The following INTS10 variants were observed in gnomAD, a reference collection of about 807,000 sequenced individuals.
INTS10 encodes the protein integrator complex subunit 10, also known as chromosome 8 open reading frame 35.
In INTS10, 44 loss-of-function variants were observed where a neutral mutation model predicts 94.4. The ratio of observed to expected loss-of-function variants is 0.47; its 90% confidence interval spans 0.37 to 0.60. The LOEUF (loss-of-function observed/expected upper bound fraction) is 0.60, where lower values mean the gene tolerates loss of function less well. Among genes scored for constraint, INTS10 ranks in the 20% least tolerant of loss-of-function variants. The probability of loss-of-function intolerance (pLI) is 0.00; values close to 1 mark genes in which losing one functional copy is unlikely to be tolerated. For synonymous variants in INTS10, 341 were observed against 320.7 expected (o/e 1.06, Z -0.68); for missense variants, 797 against 868.7 (o/e 0.92, Z 1.04).
At chr8:19,848,383 C>T (rs1046697387) in intron 16 of INTS10, among the ~76,000 whole-genome samples, 1 of 152,150 alleles carries the variant, frequency 6.6e-6, no homozygotes, top group African/African-American at 2.4e-5. Context: ...AGCTCTTAAT[C>T]TGTTATACAG....
In INTS10 at chr8:19,819,596, C is replaced by T. The variant is rs747479028; in HGVS notation, c.221C>T (p.Pro74Leu). ...YDMFVNFPDQPVVWREISIIT... is the reference protein window; with the variant it reads ...YDMFVNFPDQLVVWREISIIT... ...AGGTTTGTGAATTTCCCAGACCAGC[C>T]GGTGGTGTGGAGAGAAATCAGCATT... Residue 74 changes from proline (P) to leucine (L), a missense_variant, in exon 3 of 17, where the codon CCG (proline) becomes CTG (leucine). Pro to Leu is a moderately conservative substitution (Grantham distance 98). Around this residue, in one of 3 missense-constraint regions of INTS10, gnomAD observed 734 missense variants for 787.8 expected, o/e 0.93. Transcript: ENST00000397977. 15 of 1,612,004 alleles carry T rather than the reference C, an allele frequency of 9.3e-6. No homozygotes were observed. The highest frequency in any genetic ancestry group is 2.2e-5 in the East Asian group (1 of 44,838).
rs2068994796 is a variant in INTS10 at position 19,851,100 on chromosome 8, A to G, written c.1977-549A>G. Among the ~76,000 whole-genome samples the G allele has an allele frequency of 6.6e-6, 1 of 152,164 alleles. No homozygotes were observed. The highest frequency in any genetic ancestry group is 6.5e-5 in the Admixed American group (1 of 15,278). On this transcript the variant is annotated intron_variant, in intron 16 of 16. Transcript: ENST00000397977. The surrounding 1 kb of genome is among the most constrained non-coding windows in gnomAD (Gnocchi z 5.0). The stretch of plus-strand genomic sequence containing the variant: ...GCACAGCATTTAGAGGAGCTGCCCT[A>G]TTCTGGTGTCCTGGGGAGAGAGACG...
chr8:19,844,446 A>T (rs1207401144), intron 15 of INTS10, among the ~76,000 whole-genome samples: 1 of 152,194 alleles, frequency 6.6e-6, no homozygotes, highest in African/African-American at 2.4e-5. Flanking sequence ...GAATCTTACA[A>T]CCCTCTTCCA....
intron 2 of INTS10, 115 bp downstream of exon 2, chr8:19,818,457 TACCTAAAGCAA>T: frequency 9.6e-7 from 1 of 1,037,874 alleles, no homozygotes; most frequent in Non-Finnish European, 1.5e-6. Flanking sequence ...ATATCTTCGA[TACCTAAAGCAA>T]ACCTAGTAAG....
At position 19,823,321 on chromosome 8, in the gene INTS10, A is replaced by G. The variant is rs554229017; in HGVS notation, c.544A>G (p.Ile182Val). 9 of 1,608,558 alleles carry G rather than the reference A, an allele frequency of 5.6e-6. No individual in the cohort carries two copies. The African/African-American group carries it at 9.3e-5, about 17-fold the overall frequency. Reference sequence around the variant, plus strand: ...AACAGTTTGTGATGTCCTTCCTCTAATAATTAACAACCATGATGTTCGATT... The same window carrying G: ...AACAGTTTGTGATGTCCTTCCTCTAGTAATTAACAACCATGATGTTCGATT... ...KLFVCDVLPL[I>V]INNHDVRLPA... The change falls in exon 6 of 17, where the codon ATA becomes GTA. Residue 182 changes from isoleucine (I) to valine (V), a missense_variant. Physicochemically the swap from Ile to Val is conservative, Grantham distance 29. Coordinates refer to ENST00000397977, the MANE Select transcript of INTS10 (RefSeq NM_018142.4).
At chr8:19,838,101 A>T (rs1186735284) in intron 13 of INTS10, among the ~76,000 whole-genome samples, 2 of 152,230 alleles carry the variant, frequency 1.3e-5, no homozygotes, top group African/African-American at 4.8e-5. Flanking sequence ...CATGCCTGTA[A>T]TCCCAGCATT....
chr8:19,824,559 T>C, intron 7 of INTS10: 1 of 404,574 alleles, frequency 2.5e-6, no homozygotes, highest in East Asian at 4.2e-5. Context: ...CGATGTTGTG[T>C]TTGAACGTCT....
At chr8:19,823,124 G>A (rs4392917) in intron 5 of INTS10, among the ~76,000 whole-genome samples, 177 bp from the exon 6 acceptor site, 1 of 151,914 alleles carries the variant, frequency 6.6e-6, no homozygotes, top group Non-Finnish European at 1.5e-5. Flanking sequence ...TTTCCTCCCT[G>A]ACTCCAGCCA....
At chr8:19,818,130 C>G (rs2066082265) in intron 1 of INTS10, 145 bp from the exon 2 acceptor site, 1 of 775,556 alleles carries the variant, frequency 1.3e-6, no homozygotes, top group South Asian at 1.5e-5. Flanking sequence ...AATGGCAAGT[C>G]TGCCATGTAT....
intron 16 of INTS10, among the ~76,000 whole-genome samples, chr8:19,848,121 C>G (rs751216976): frequency 1.3e-5 from 2 of 152,198 alleles, no homozygotes; most frequent in Non-Finnish European, 2.9e-5. Context: ...AGAGCTCTTC[C>G]TAACTGAGGA....
Position 19,823,383 on chromosome 8 carries a change from A to G in INTS10, c.606A>G (p.Ala202=). The G allele has an allele frequency of 6.2e-7, 1 of 1,606,588 alleles. No individual in the cohort carries two copies. Among genetic ancestry groups the G allele is most frequent in the Non-Finnish European group, 8.5e-7 (1 of 1,173,184 alleles). ...TATTGTATAAGTACTTGAACAAAGCAGCTGAATTTTATATCAATTATGTCA... is the reference window on the plus strand; with the variant it reads ...TATTGTATAAGTACTTGAACAAAGCGGCTGAATTTTATATCAATTATGTCA... ...ANLLYKYLNK[A]AEFYINYVTR... The change falls in exon 6 of 17, where the codon GCA becomes GCG. Residue 202 remains alanine, a synonymous_variant. Coordinates refer to ENST00000397977, the MANE Select transcript of INTS10 (RefSeq NM_018142.4).
At position 19,851,887 on chromosome 8, in the gene INTS10, G is replaced by A; in HGVS notation, c.*82G>A. 7.9e-7 allele frequency: 1 copy of A among 1,265,582 alleles called. No individual in the cohort carries two copies. The highest frequency in any genetic ancestry group is 1.3e-5 in the South Asian group (1 of 76,222). The allele number at this position is 1,265,582 out of a possible 1,614,324, so 78.4% of individuals were successfully genotyped here. ...TCAGCAGTGATTGCCATGGCACAGA[G>A]CCGTGGTCATTGTTGCTGTTACAAA... On this transcript the variant is annotated 3_prime_UTR_variant, in exon 17 of 17. Coordinates refer to ENST00000397977, the MANE Select transcript of INTS10 (RefSeq NM_018142.4). This position sits in a 1 kb window ranked among gnomAD's most constrained non-coding sequence, Gnocchi z 5.0.
At position 19,829,411 on chromosome 8, in the gene INTS10, A is replaced by C. The variant is rs193069584; in HGVS notation, c.1141-995A>C. On this transcript the variant is annotated intron_variant, in intron 9 of 16. Coordinates refer to ENST00000397977, the MANE Select transcript of INTS10 (RefSeq NM_018142.4). ...TCTGACTCTACCCAGCGGTATTTCC[A>C]ATAATTGCCTTTCTCTGTAGCCTTC... Among the ~76,000 whole-genome samples the C allele has an allele frequency of 1.6e-3, 241 of 151,856 alleles. 1 individual carries two copies. Among genetic ancestry groups the C allele is most frequent in the African/African-American group, 5.4e-3 (224 of 41,382 alleles).
At position 19,843,870 on chromosome 8, in the gene INTS10, GCTT is replaced by G. The variant is rs1447262315; in HGVS notation, c.1720-202_1720-200del. ...AGCAGCTGTGCAGAGGGAGCCTGAG[GCTT>G]CTTTGGTTAGAATCCACCCTCCTTA... On this transcript the variant is annotated intron_variant, in intron 14 of 16. Transcript: ENST00000397977. This position sits in a 1 kb window ranked among gnomAD's most constrained non-coding sequence, Gnocchi z 4.7. 6.6e-6 allele frequency among the ~76,000 whole-genome samples: 1 copy of G among 152,220 alleles called. No homozygotes were observed. The highest frequency in any genetic ancestry group is 1.5e-5 in the Non-Finnish European group (1 of 68,044).
chr8:19,825,825 A>T (rs911047587), intron 8 of INTS10, among the ~76,000 whole-genome samples: 1 of 152,248 alleles, frequency 6.6e-6, no homozygotes, highest in Non-Finnish European at 1.5e-5. Context: ...TGGTACTTTA[A>T]TGACTCATGA....
intron 9 of INTS10, among the ~76,000 whole-genome samples, chr8:19,828,949 A>G (rs961816670): frequency 1.3e-5 from 2 of 152,170 alleles, no homozygotes; most frequent in African/African-American, 4.8e-5. Context: ...ACAGTGGGGT[A>G]GGGAAAAGTC....
chr8:19,827,981 G>A (rs1563370060), intron 9 of INTS10, among the ~76,000 whole-genome samples: 1 of 152,008 alleles, frequency 6.6e-6, no homozygotes, highest in Non-Finnish European at 1.5e-5. Flanking sequence ...GGGGCCAAAA[G>A]AGGAGGATCA....
chr8:19,824,604 C>T, intron 7 of INTS10, 199 bp from the exon 8 acceptor site: 1 of 487,274 alleles, frequency 2.1e-6, no homozygotes, highest in Non-Finnish European at 3.6e-6. Context: ...AGCTACTTAG[C>T]ATGTTTGTGT....
At chr8:19,817,734 T>A (rs891653576) in intron 1 of INTS10, 68 bp downstream of exon 1, 7 of 1,541,698 alleles carry the variant, frequency 4.5e-6, no homozygotes, top group East Asian at 2.4e-5. Context: ...CGGGCTGCCC[T>A]GGCCCAGAGC....
Sources: allele counts gnomAD v4.1 joint callset (sites outside exome capture counted in the v4.1 genomes callset), GRCh38; gene constraint gnomAD v4.1.1; regional missense constraint gnomAD v4.1.1; non-coding constraint Gnocchi (gnomAD v3.1); transcripts MANE v1.5; gene names NCBI Gene and HGNC (gene_info 2026-07-23, HGNC 2026-07-21).